The following FILIP1 variants were observed in gnomAD, a reference collection of about 807,000 sequenced individuals.
FILIP1 encodes filamin A interacting protein 1, also known as filamin-A-interacting protein 1.
FILIP1 carries 61 observed loss-of-function variants against 102.1 expected under a neutral mutation model. That is an observed-to-expected ratio of 0.60 (90% CI 0.49 to 0.74). The LOEUF (loss-of-function observed/expected upper bound fraction) is 0.74, where lower values mean the gene tolerates loss of function less well. FILIP1 is among the 30% of genes least tolerant of loss of function. FILIP1 has a pLI of 0.00. For synonymous variants in FILIP1, 491 were observed against 526.9 expected (o/e 0.93, Z 0.93); for missense variants, 1,314 against 1,441.2 (o/e 0.91, Z 1.43).
chr6:75,434,878 T>C (rs1432414525), intron 1 of FILIP1, among the ~76,000 whole-genome samples: 1 of 152,230 alleles, frequency 6.6e-6, no homozygotes. Context: ...ACCTAGTTTG[T>C]TGAGAGTTTT....
downstream of FILIP1, among the ~76,000 whole-genome samples, chr6:75,307,534 A>G (rs948775239): frequency 6.6e-6 from 1 of 152,228 alleles, no homozygotes; most frequent in African/African-American, 2.4e-5. Flanking sequence ...GTGGGTTACT[A>G]GCCTTGAACT....
At position 75,471,601 on chromosome 6, in the gene FILIP1, G is replaced by A. The variant is rs957297755; in HGVS notation, c.-7+21813C>T. ...TCAGAGTCAACTAACTGTTGGAGTA[G>A]ATATTGAGGAAGCAAGTACAACAAT... is the stretch of plus-strand genomic sequence containing the variant. On this transcript the variant is annotated intron_variant, in intron 1 of 5. Transcript: ENST00000237172. 3.9e-5 allele frequency among the ~76,000 whole-genome samples: 6 copies of A among 152,238 alleles called. No individual in the cohort carries two copies. The East Asian group carries it at 1.2e-3, about 29-fold the overall frequency.
chr6:75,375,077 G>C (rs1198157514), intron 2 of FILIP1, among the ~76,000 whole-genome samples: 1 of 152,190 alleles, frequency 6.6e-6, no homozygotes, highest in Non-Finnish European at 1.5e-5. Flanking sequence ...GGACAATAGA[G>C]CAGGGTCAGA....
At chr6:75,400,861 T>A (rs765709144) in intron 2 of FILIP1, among the ~76,000 whole-genome samples, 34 of 152,122 alleles carry the variant, frequency 2.2e-4, no homozygotes, top group Non-Finnish European at 3.8e-4. Context: ...GAACAGAGTA[T>A]TTTTGTTGTG....
At chr6:75,366,113 T>C (rs1775323099) in intron 2 of FILIP1, 1 of 152,256 alleles carries the variant, frequency 6.6e-6, no homozygotes, top group Non-Finnish European at 1.5e-5. Flanking sequence ...AACAGGGTAG[T>C]ATAAGGATTA....
At chr6:75,323,995 A>C (rs996903340) in intron 4 of FILIP1, among the ~76,000 whole-genome samples, 1 of 152,150 alleles carries the variant, frequency 6.6e-6, no homozygotes, top group African/African-American at 2.4e-5. Context: ...AGGCCTCCCC[A>C]GGCCTGCAGA....
chr6:75,490,581 A>C (rs1302736704), intron 1 of FILIP1, among the ~76,000 whole-genome samples: 1 of 152,114 alleles, frequency 6.6e-6, no homozygotes, highest in Non-Finnish European at 1.5e-5. Context: ...TGGCACCAAA[A>C]GATAACAAAA....
At chr6:75,293,341 C>T (rs1772586715) in exon 7 of FILIP1, 1 of 152,158 alleles carries the variant, frequency 6.6e-6, no homozygotes, top group East Asian at 1.9e-4. Flanking sequence ...TTTTCAATTG[C>T]ATATGCATGT....
Position 75,301,003 on chromosome 6 carries a change from A to G in FILIP1, c.3494-5053T>C, listed in dbSNP as rs1428430937. Among the ~76,000 whole-genome samples, 7 of 152,352 alleles carry G rather than the reference A, an allele frequency of 4.6e-5. No homozygotes were observed. The East Asian group carries it at 5.8e-4, about 13-fold the overall frequency. On this transcript the variant is annotated intron_variant, in intron 6 of 6. Transcript: ENST00000393004. ...TTAGTTCCCATATATAACATTAACT[A>G]TAAATAAAAATTAAGTAATGGAAAA...
intron 2 of FILIP1, among the ~76,000 whole-genome samples, chr6:75,414,373 A>G (rs1777180288): frequency 6.6e-6 from 1 of 152,116 alleles, no homozygotes; most frequent in African/African-American, 2.4e-5. Flanking sequence ...TTTCAGTCAC[A>G]GTCAATGTCT....
At chr6:75,412,602 T>C (rs1582466565) in intron 2 of FILIP1, among the ~76,000 whole-genome samples, 1 of 152,124 alleles carries the variant, frequency 6.6e-6, no homozygotes, top group East Asian at 1.9e-4. Flanking sequence ...TCCCTCCCAC[T>C]CTTAGCTACA....
intron 6 of FILIP1, among the ~76,000 whole-genome samples, chr6:75,298,333 T>C (rs777679077): frequency 6.6e-6 from 1 of 152,248 alleles, no homozygotes; most frequent in Non-Finnish European, 1.5e-5. Flanking sequence ...GTTTATCTTA[T>C]ATAAATTGTA....
intron 4 of FILIP1, among the ~76,000 whole-genome samples, chr6:75,342,479 C>T (rs921328673): frequency 6.6e-6 from 1 of 152,180 alleles, no homozygotes. Context: ...GGTCCCATTC[C>T]ACAGGTAACA....
chr6:75,478,340 C>T (rs1779548122), intron 1 of FILIP1, among the ~76,000 whole-genome samples: 1 of 152,154 alleles, frequency 6.6e-6, no homozygotes. Flanking sequence ...ATTGCTCTTC[C>T]CTACCCATTC....
Position 75,308,647 on chromosome 6 carries a change from G to C in FILIP1, c.*44C>G. 6.2e-7 allele frequency: 1 copy of C among 1,604,902 alleles called. No homozygotes were observed. Among genetic ancestry groups the C allele is most frequent in the African/African-American group, 1.3e-5 (1 of 74,786 alleles). On this transcript the variant is annotated 3_prime_UTR_variant, in exon 6 of 6. Coordinates refer to ENST00000237172, the MANE Select transcript of FILIP1 (RefSeq NM_015687.5). The stretch of plus-strand genomic sequence containing the variant: ...CAAACAGATGAAGGTTCACTTTCAC[G>C]GCAGCAGTAGCATCTGCACAACATA...
At chr6:75,436,587 C>G (rs113353124) in intron 1 of FILIP1, among the ~76,000 whole-genome samples, 180 of 152,142 alleles carry the variant, frequency 1.2e-3, no homozygotes, top group African/African-American at 4.2e-3. Context: ...TACGGTGGAG[C>G]TTTACAGAGT....
At chr6:75,464,447 A>G (rs929446609) in intron 1 of FILIP1, among the ~76,000 whole-genome samples, 1 of 152,230 alleles carries the variant, frequency 6.6e-6, no homozygotes, top group African/African-American at 2.4e-5. Flanking sequence ...ACATCAATGT[A>G]TGCAGGAAAT....
intron 2 of FILIP1, among the ~76,000 whole-genome samples, chr6:75,370,569 CTTTTT>C (rs61384517): frequency 2.6e-5 from 2 of 75,716 alleles, no homozygotes; most frequent in Non-Finnish European, 4.9e-5. Context: ...GGAGTCTCTT[CTTTTT>C]TTTTTTTTTT....
chr6:75,415,533 G>GAAAA (rs34828375), intron 1 of FILIP1, among the ~76,000 whole-genome samples: 2 of 78,754 alleles, frequency 2.5e-5, no homozygotes, highest in African/African-American at 4.9e-5. Context: ...TCACAGTGTG[G>GAAAA]AAAAAAAAAA....
Sources: allele counts gnomAD v4.1 joint callset (sites outside exome capture counted in the v4.1 genomes callset), GRCh38; gene constraint gnomAD v4.1.1; transcripts MANE v1.5; gene names NCBI Gene and HGNC (gene_info 2026-07-23, HGNC 2026-07-21).